The following SNX31 variants were observed in gnomAD, a reference collection of about 807,000 sequenced individuals.
SNX31 encodes sorting nexin-31.
SNX31 carries 58 observed loss-of-function variants against 65.4 expected under a neutral mutation model. That is an observed-to-expected ratio of 0.89 (90% CI 0.72 to 1.10). SNX31 has a LOEUF of 1.10. Among genes scored for constraint, SNX31 ranks in the 50% least tolerant of loss-of-function variants. The pLI, the probability that SNX31 is intolerant of heterozygous loss-of-function variation, is 0.00. For missense variants in SNX31, 523 were observed against 529.7 expected (o/e 0.99, Z 0.12); for synonymous variants, 181 against 190.1 (o/e 0.95, Z 0.39).
At chr8:100,641,745 C>T (rs1408173930) in intron 2 of SNX31, among the ~76,000 whole-genome samples, 3 of 141,848 alleles carry the variant, frequency 2.1e-5, no homozygotes, top group African/African-American at 7.9e-5. Context: ...GACAGGGTCT[C>T]ACTCCTGTGG....
At position 100,629,253 on chromosome 8, in the gene SNX31, T is replaced by C. The variant is rs1230101605; in HGVS notation, c.321+1074A>G. 1.3e-5 allele frequency among the ~76,000 whole-genome samples: 2 copies of C among 152,182 alleles called. No individual in the cohort carries two copies. Among genetic ancestry groups the C allele is most frequent in the Non-Finnish European group, 2.9e-5 (2 of 68,034 alleles). On this transcript the variant is annotated intron_variant, in intron 4 of 13. Transcript: ENST00000311812. This position sits in a 1 kb window ranked among gnomAD's most constrained non-coding sequence, Gnocchi z 5.1. The stretch of plus-strand genomic sequence containing the variant: ...AAGAGCACTATAAACTATTAGACTA[T>C]ACACAACAGTTGTCACTGAGGAGGG...
chr8:100,625,144 T>C lies in SNX31; in HGVS notation c.321+5183A>G, dbSNP rs1359141227. The stretch of plus-strand genomic sequence containing the variant: ...ATACTTATCTATAATGCAGCAGGAA[T>C]GAAAAAATGCAATTCATACTAGAAA... On this transcript the variant is annotated intron_variant, in intron 4 of 13. Transcript: ENST00000311812. The surrounding 1 kb of genome is among the most constrained non-coding windows in gnomAD (Gnocchi z 4.2). Among the ~76,000 whole-genome samples the C allele has an allele frequency of 2.0e-5, 3 of 152,070 alleles. No homozygotes were observed. Among genetic ancestry groups the C allele is most frequent in the African/African-American group, 7.2e-5 (3 of 41,402 alleles).
rs1818649669 is a variant in SNX31, at chr8:100,634,898, A to T, written c.256+999T>A. ...TAGTGAGACCCCACCTCTGTAAAAA[A>T]AATTTTTTTTTTTAATTGGCCAGGC... is the stretch of plus-strand genomic sequence containing the variant. On this transcript the variant is annotated intron_variant, in intron 3 of 13. Coordinates refer to ENST00000311812, the MANE Select transcript of SNX31 (RefSeq NM_152628.4). Among the ~76,000 whole-genome samples, 2 of 149,952 alleles carry T rather than the reference A, an allele frequency of 1.3e-5. 1 individual carries two copies.
chr8:100,649,382 C>A, intron 1 of SNX31, 34 bp from the exon 2 acceptor site: 1 of 1,612,036 alleles, frequency 6.2e-7, no homozygotes, highest in Non-Finnish European at 8.5e-7. Flanking sequence ...CCCTGGTGAG[C>A]CGAGGGATAA....
At chr8:100,607,654 G>A (rs543708446) in intron 8 of SNX31, among the ~76,000 whole-genome samples, 2 of 152,274 alleles carry the variant, frequency 1.3e-5, no homozygotes, top group Non-Finnish European at 2.9e-5. Flanking sequence ...AACTAAAAGA[G>A]TATAATTGGA....
At chr8:100,620,902 G>C (rs1344838864) in intron 4 of SNX31, among the ~76,000 whole-genome samples, 1 of 152,114 alleles carries the variant, frequency 6.6e-6, no homozygotes, top group Non-Finnish European at 1.5e-5. Context: ...CAGATCACCT[G>C]AGGTCAGGAG....
chr8:100,581,781 C>T (rs1813580976), intron 12 of SNX31, among the ~76,000 whole-genome samples: 1 of 152,110 alleles, frequency 6.6e-6, no homozygotes, highest in Admixed American at 6.6e-5. Flanking sequence ...GGGAATGACG[C>T]CATGGTACAT....
chr8:100,610,706 C>T lies in SNX31; in HGVS notation c.611+1294G>A, dbSNP rs1816635774. ...TTGGATGGAACTGAGTTCTTCTCCCCTTCTCAGGGTTTCACATCTCAAGAT... is the reference window on the plus strand; with the variant it reads ...TTGGATGGAACTGAGTTCTTCTCCCTTTCTCAGGGTTTCACATCTCAAGAT... On this transcript the variant is annotated intron_variant, in intron 7 of 13. Coordinates refer to ENST00000311812, the MANE Select transcript of SNX31 (RefSeq NM_152628.4). This position sits in a 1 kb window ranked among gnomAD's most constrained non-coding sequence, Gnocchi z 4.0. Among the ~76,000 whole-genome samples the T allele has an allele frequency of 6.6e-6, 1 of 152,184 alleles. No homozygotes were observed. Among genetic ancestry groups the T allele is most frequent in the Non-Finnish European group, 1.5e-5 (1 of 68,036 alleles).
chr8:100,654,348 A>G (rs1367102886), upstream of SNX31, among the ~76,000 whole-genome samples: 1 of 152,172 alleles, frequency 6.6e-6, no homozygotes, highest in African/African-American at 2.4e-5. Context: ...AGGAGACGAA[A>G]CTGAGGTGGA....
At chr8:100,638,776 A>G (rs1385969043) in intron 2 of SNX31, among the ~76,000 whole-genome samples, 2 of 152,158 alleles carry the variant, frequency 1.3e-5, no homozygotes, top group Non-Finnish European at 2.9e-5. Flanking sequence ...TTAATTCATA[A>G]CCCCCAAAAT....
At position 100,613,054 on chromosome 8, in the gene SNX31, T is replaced by C. The variant is rs1323922801; in HGVS notation, c.464A>G (p.Glu155Gly). Reference protein sequence around the residue: ...VVSHKIGLCRELLGYFGLFLI... With the variant: ...VVSHKIGLCRGLLGYFGLFLI... ...AAAGAGGCCGAAGTAGCCCAAGAGCTCTCGACACAGTCCAATTTTGTGTGA... is the reference window on the plus strand; with the variant it reads ...AAAGAGGCCGAAGTAGCCCAAGAGCCCTCGACACAGTCCAATTTTGTGTGA... The change falls in exon 6 of 14, where the codon GAG (glutamate) becomes GGG (glycine). Residue 155 changes from glutamate (E) to glycine (G), a missense_variant. By Grantham distance (98) the Glu-to-Gly change is moderately conservative. Coordinates refer to ENST00000311812, the MANE Select transcript of SNX31 (RefSeq NM_152628.4). The surrounding 1 kb of genome is among the most constrained non-coding windows in gnomAD (Gnocchi z 5.2). 6.2e-7 allele frequency: 1 copy of C among 1,613,970 alleles called. No individual in the cohort carries two copies.
At chr8:100,635,776 G>C in intron 3 of SNX31, 121 bp downstream of exon 3, 1 of 647,882 alleles carries the variant, frequency 1.5e-6, no homozygotes, top group Non-Finnish European at 2.6e-6. Context: ...TACGGTAATG[G>C]TCGCACAATT....
chr8:100,592,343 A>G (rs1814662800), intron 10 of SNX31, among the ~76,000 whole-genome samples: 1 of 152,224 alleles, frequency 6.6e-6, no homozygotes, highest in Non-Finnish European at 1.5e-5. Flanking sequence ...AAATATCAAT[A>G]ATCTTAAAGC....
At chr8:100,597,205 C>T (rs1815180889) in intron 9 of SNX31, among the ~76,000 whole-genome samples, 2 of 150,458 alleles carry the variant, frequency 1.3e-5, no homozygotes, top group South Asian at 4.2e-4. Flanking sequence ...GATTCTGTCT[C>T]AGCAGATTAT....
intron 12 of SNX31, among the ~76,000 whole-genome samples, chr8:100,583,463 T>TA (rs780838049): frequency 7.2e-4 from 109 of 152,188 alleles, no homozygotes; most frequent in Non-Finnish European, 1.3e-3. Flanking sequence ...GTTTGGGACA[T>TA]ACTTGTATCA....
exon 1 of SNX31, chr8:100,663,221 T>C (rs1377762727): frequency 2.0e-5 from 3 of 147,348 alleles, no homozygotes; most frequent in African/African-American, 7.8e-5. Flanking sequence ...ATACTCCGTC[T>C]AACAGAGCTG....
rs546590590 is a variant in SNX31 at position 100,604,609 on chromosome 8, G to A, written c.681+3885C>T. ...TTTTCTAATTTGCATCACTGTCCAGGCCAGCAATGGCCCCGCTGAAATGCA... is the reference window on the plus strand; with the variant it reads ...TTTTCTAATTTGCATCACTGTCCAGACCAGCAATGGCCCCGCTGAAATGCA... On this transcript the variant is annotated intron_variant, in intron 8 of 13. Coordinates refer to ENST00000311812, the MANE Select transcript of SNX31 (RefSeq NM_152628.4). The surrounding 1 kb of genome is among the most constrained non-coding windows in gnomAD (Gnocchi z 4.3). Among the ~76,000 whole-genome samples, 117 of 152,362 alleles carry A rather than the reference G, an allele frequency of 7.7e-4. No homozygotes were observed. The highest frequency in any genetic ancestry group is 1.4e-3 in the Non-Finnish European group (97 of 68,038).
chr8:100,640,327 T>C (rs1819078204), intron 2 of SNX31, among the ~76,000 whole-genome samples: 2 of 152,186 alleles, frequency 1.3e-5, no homozygotes, highest in Admixed American at 1.3e-4. Flanking sequence ...GGTTTCTCCA[T>C]GTTGGTCAGG....
chr8:100,620,266 G>A (rs1817590806), intron 4 of SNX31, among the ~76,000 whole-genome samples: 1 of 152,166 alleles, frequency 6.6e-6, no homozygotes, highest in Non-Finnish European at 1.5e-5. Context: ...TCCACCATGG[G>A]CAACAGCTCC....
Sources: allele counts gnomAD v4.1 joint callset (sites outside exome capture counted in the v4.1 genomes callset), GRCh38; gene constraint gnomAD v4.1.1; non-coding constraint Gnocchi (gnomAD v3.1); transcripts MANE v1.5; gene names NCBI Gene and HGNC (gene_info 2026-07-23, HGNC 2026-07-21).